Variants in GPD2 observed in about 807,000 individuals in gnomAD.
The protein encoded by GPD2 is glycerol-3-phosphate dehydrogenase 2.
In GPD2, 54 loss-of-function variants were observed where a neutral mutation model predicts 82.4. The observed-to-expected ratio is 0.66, with a 90% CI of 0.53 to 0.82. The LOEUF (loss-of-function observed/expected upper bound fraction) is 0.82. Ranked by LOEUF, GPD2 falls within the 40% of genes least tolerant of loss-of-function variation. GPD2 has a pLI of 0.00. For synonymous variants in GPD2, 288 were observed against 306.1 expected (o/e 0.94, Z 0.62); for missense variants, 748 against 896.2 (o/e 0.83, Z 2.11).
chr2:156,493,870 GT>G (rs1159904962), intron 2 of GPD2, among the ~76,000 whole-genome samples: 1 of 150,878 alleles, frequency 6.6e-6, no homozygotes, highest in Non-Finnish European at 1.5e-5. Context: ...ATAGCCTGGT[GT>G]TTTTTTCCCT....
At chr2:156,452,355 C>G (rs1682637787) in intron 1 of GPD2, among the ~76,000 whole-genome samples, 2 of 152,246 alleles carry the variant, frequency 1.3e-5, no homozygotes, top group African/African-American at 2.4e-5. Context: ...AGCTGGAGAC[C>G]AGCCCGGCCA....
At chr2:156,469,216 G>A (rs1449810574) in intron 1 of GPD2, among the ~76,000 whole-genome samples, 1 of 152,158 alleles carries the variant, frequency 6.6e-6, no homozygotes. Flanking sequence ...CTGGAGTGCA[G>A]TGGCGTGATC....
At chr2:156,519,898 A>T (rs1685336371) in intron 6 of GPD2, among the ~76,000 whole-genome samples, 1 of 152,246 alleles carries the variant, frequency 6.6e-6, no homozygotes, top group Non-Finnish European at 1.5e-5. Context: ...ATGGCTAAGT[A>T]TTAAGCAGCT....
intron 9 of GPD2, among the ~76,000 whole-genome samples, chr2:156,557,886 AT>A (rs1400026039): frequency 6.6e-6 from 1 of 152,230 alleles, no homozygotes; most frequent in Non-Finnish European, 1.5e-5. Flanking sequence ...AAATGTGTAC[AT>A]CACAGTTTAA....
At chr2:156,407,670 C>T in the GPD2 span, among the ~76,000 whole-genome samples, 1 of 152,130 alleles carries the variant, frequency 6.6e-6, no homozygotes, top group Non-Finnish European at 1.5e-5. Flanking sequence ...TGGCAGAGGA[C>T]ATTTAGACTG....
At chr2:156,554,954 C>G (rs1461778971) in intron 8 of GPD2, among the ~76,000 whole-genome samples, 1 of 152,198 alleles carries the variant, frequency 6.6e-6, no homozygotes, top group East Asian at 1.9e-4. Context: ...AAATTAGCAG[C>G]AAGCTTTTCC....
the GPD2 span, among the ~76,000 whole-genome samples, chr2:156,403,796 G>A: frequency 5.3e-5 from 8 of 152,130 alleles, no homozygotes; most frequent in African/African-American, 9.7e-5. Context: ...AACAGGTCTC[G>A]TCAAATATTT....
intron 1 of GPD2, among the ~76,000 whole-genome samples, chr2:156,459,705 A>AAAAAAAAAAAAAG (rs1682921485): frequency 6.7e-6 from 1 of 149,838 alleles, no homozygotes; most frequent in African/African-American, 2.4e-5. Context: ...AAAAAAAAAA[A>AAAAAAAAAAAAAG]AAAAGAAAGA....
At position 156,496,169 on chromosome 2, in the gene GPD2, A is replaced by G; in HGVS notation, c.228A>G (p.Gly76=). The G allele has an allele frequency of 1.9e-6, 3 of 1,612,270 alleles. No homozygotes were observed. The highest frequency in any genetic ancestry group is 1.7e-6 in the Non-Finnish European group (2 of 1,178,382). ...CTGAATTTGATATCCTTGTTATTGGAGGAGGAGCAACAGGAAGTGGCTGTG... is the reference window on the plus strand; with the variant it reads ...CTGAATTTGATATCCTTGTTATTGGGGGAGGAGCAACAGGAAGTGGCTGTG... ...NTSEFDILVI[G]GGATGSGCAL... Residue 76 remains glycine, a synonymous_variant, in exon 3 of 17, where the codon GGA becomes GGG. Coordinates refer to ENST00000438166, the MANE Select transcript of GPD2 (RefSeq NM_000408.5).
At chr2:156,426,640 A>C in the GPD2 span, among the ~76,000 whole-genome samples, 1 of 152,214 alleles carries the variant, frequency 6.6e-6, no homozygotes, top group Non-Finnish European at 1.5e-5. Flanking sequence ...AAACATCTAA[A>C]TTAGAAACAC....
chr2:156,499,257 ATGTGTGTATATATG>A (rs2105248318), intron 3 of GPD2, among the ~76,000 whole-genome samples: 1 of 152,138 alleles, frequency 6.6e-6, no homozygotes, highest in African/African-American at 2.4e-5. Flanking sequence ...TGAGACATTT[ATGTGTGTATATATG>A]TGTGTGTTTG....
intron 1 of GPD2, among the ~76,000 whole-genome samples, chr2:156,449,551 G>C (rs1184901758): frequency 6.6e-6 from 1 of 152,118 alleles, no homozygotes. Context: ...TTTTTCACCT[G>C]CCAAGAAGCA....
chr2:156,551,458 G>T (rs1395485088), intron 8 of GPD2, among the ~76,000 whole-genome samples: 4 of 152,202 alleles, frequency 2.6e-5, no homozygotes, highest in Non-Finnish European at 5.9e-5. Flanking sequence ...ACATTTTAAG[G>T]TATTTATAGA....
intron 11 of GPD2, 42 bp from the exon 12 acceptor site, chr2:156,570,045 T>G: frequency 6.3e-7 from 1 of 1,587,140 alleles, no homozygotes; most frequent in Non-Finnish European, 8.6e-7. Flanking sequence ...TAGAAGCTAT[T>G]GATATTCAAA....
intron 2 of GPD2, among the ~76,000 whole-genome samples, chr2:156,480,978 T>G (rs181182252): frequency 5.3e-4 from 81 of 151,706 alleles, no homozygotes; most frequent in East Asian, 1.4e-3. Flanking sequence ...TGGGAGGAAT[T>G]ATCTTCTTAG....
At position 156,583,134 on chromosome 2, in the gene GPD2, T is replaced by A. The variant is rs1311612331; in HGVS notation, c.*216T>A. 7.3e-6 allele frequency: 4 copies of A among 544,710 alleles called. No individual in the cohort carries two copies. The highest frequency in any genetic ancestry group is 5.7e-5 in the African/African-American group (3 of 52,284). 33.7% of individuals were successfully genotyped at this position (544,710 alleles called of 1,614,324 possible). Reference sequence around the variant, plus strand: ...CATTCAGTCTAGCTTTTAAGTATATTTTTTTCTTTTTCTCATTTTCAATGC... The same window carrying A: ...CATTCAGTCTAGCTTTTAAGTATATATTTTTCTTTTTCTCATTTTCAATGC... On this transcript the variant is annotated 3_prime_UTR_variant, in exon 17 of 17. Coordinates refer to ENST00000438166, the MANE Select transcript of GPD2 (RefSeq NM_000408.5).
At chr2:156,578,867 T>G in intron 13 of GPD2, 22 bp from the exon 14 acceptor site, 1 of 1,302,190 alleles carries the variant, frequency 7.7e-7, no homozygotes, top group Non-Finnish European at 1.1e-6. Context: ...GTCTTTGAAC[T>G]TTGTGTGTAT....
chr2:156,534,903 A>G (rs1573972973), intron 6 of GPD2, among the ~76,000 whole-genome samples: 1 of 152,286 alleles, frequency 6.6e-6, no homozygotes, highest in South Asian at 2.1e-4. Context: ...TATACCTAAT[A>G]TGGGTATGTG....
intron 2 of GPD2, among the ~76,000 whole-genome samples, chr2:156,487,536 G>A (rs530915824): frequency 6.6e-6 from 1 of 152,292 alleles, no homozygotes; most frequent in Non-Finnish European, 1.5e-5. Context: ...ATGAGATTTG[G>A]AGTCAAACCT....
Sources: gnomAD v4.1 joint callset for allele counts (sites outside exome capture counted in the v4.1 genomes callset) on GRCh38, gnomAD v4.1.1 for gene constraint, MANE v1.5 for transcripts, NCBI Gene and HGNC (gene_info 2026-07-23, HGNC 2026-07-21) for gene names.